Variants in ERBB4 observed in about 807,000 individuals in gnomAD.
ERBB4 encodes the protein erb-b2 receptor tyrosine kinase 4.
In ERBB4, 42 loss-of-function variants were observed where a neutral mutation model predicts 158.0. The observed-to-expected ratio is 0.27, with a 90% CI of 0.21 to 0.34. ERBB4 has a LOEUF of 0.34. Among genes scored for constraint, ERBB4 ranks in the 10% least tolerant of loss-of-function variants. The pLI is 1.00. For missense variants in ERBB4, 1,333 were observed against 1,624.1 expected, an observed-to-expected ratio of 0.82 and a Z score of 3.08; for synonymous variants, 583 against 558.7, an observed-to-expected ratio of 1.04 and a Z score of -0.61.
chr2:211,732,409 G>A (rs1267833891), intron 5 of ERBB4, among the ~76,000 whole-genome samples: 2 of 151,224 alleles, frequency 1.3e-5, no homozygotes, highest in African/African-American at 4.9e-5. Flanking sequence ...AAAGTATCTG[G>A]GCTTCTAAAT....
At chr2:211,395,178 C>T (rs1305256073) in intron 25 of ERBB4, among the ~76,000 whole-genome samples, 1 of 152,064 alleles carries the variant, frequency 6.6e-6, no homozygotes, top group Non-Finnish European at 1.5e-5. Context: ...AGTGGACTAT[C>T]TTGTTCAAAG....
intron 3 of ERBB4, among the ~76,000 whole-genome samples, chr2:211,882,098 C>G (rs1312821796): frequency 6.6e-6 from 1 of 152,154 alleles, no homozygotes; most frequent in African/African-American, 2.4e-5. Context: ...CTTTATCAAA[C>G]AAGGACAATT....
At chr2:212,426,905 T>A (rs2091926093) in intron 1 of ERBB4, among the ~76,000 whole-genome samples, 1 of 152,114 alleles carries the variant, frequency 6.6e-6, no homozygotes, top group Non-Finnish European at 1.5e-5. Flanking sequence ...GTTACACATT[T>A]GTGTTTGCAA....
chr2:211,731,591 CTTAA>C (rs2074429145), intron 5 of ERBB4, among the ~76,000 whole-genome samples: 1 of 152,044 alleles, frequency 6.6e-6, no homozygotes, highest in African/African-American at 2.4e-5. Flanking sequence ...TAGACATCCA[CTTAA>C]TTAAAGATAG....
chr2:212,033,732 T>TCTAAGGTCATGGAGACC (rs2076953340), intron 2 of ERBB4, among the ~76,000 whole-genome samples: 1 of 151,842 alleles, frequency 6.6e-6, no homozygotes, highest in African/African-American at 2.4e-5. Context: ...AATTGGAGGC[T>TCTAAGGTCATGGAGACC]CTAAGGTCAT....
At chr2:211,406,172 T>C (rs2063144198) in intron 25 of ERBB4, among the ~76,000 whole-genome samples, 1 of 152,224 alleles carries the variant, frequency 6.6e-6, no homozygotes, top group African/African-American at 2.4e-5. Context: ...CGTATTCTCT[T>C]TGTCCCTATT....
At position 211,381,889 on chromosome 2, in the gene ERBB4, C is replaced by CTAAG; in HGVS notation, c.*1722_*1725dup. On this transcript the variant is annotated 3_prime_UTR_variant, in exon 28 of 28. Coordinates refer to ENST00000342788, the MANE Select transcript of ERBB4 (RefSeq NM_005235.3). ...ATTTTCAGAAAAGGGCGACTTATATCTAAGTTTCCTAATTATTGATGTGAG... is the reference window on the plus strand; with the variant it reads ...ATTTTCAGAAAAGGGCGACTTATATCTAAGTAAGTTTCCTAATTATTGATGTGAG... The CTAAG allele has an allele frequency of 4.4e-6, 1 of 229,184 alleles. No individual in the cohort carries two copies. Among genetic ancestry groups the CTAAG allele is most frequent in the Non-Finnish European group, 8.7e-6 (1 of 115,548 alleles). 14.2% of individuals were successfully genotyped at this position (229,184 alleles called of 1,614,324 possible).
In ERBB4 at chr2:211,630,148, T is replaced by C. The variant is rs537619667; in HGVS notation, c.2079+314A>G. ...AGATATTTTCAATGCAGATATTTTC[T>C]AGATCTGCTGCTATTGAGATATCCT... On this transcript the variant is annotated intron_variant, in intron 17 of 27. Transcript: ENST00000342788. Among the ~76,000 whole-genome samples, 6 of 152,358 alleles carry C rather than the reference T, an allele frequency of 3.9e-5. No individual in the cohort carries two copies. The South Asian group carries it at 1.0e-3, about 26-fold the overall frequency.
chr2:212,098,867 G>A, intron 2 of ERBB4, among the ~76,000 whole-genome samples: 1 of 152,034 alleles, frequency 6.6e-6, no homozygotes, highest in Admixed American at 6.6e-5. Flanking sequence ...TATTTATTCA[G>A]GAATGATGCA....
intron 19 of ERBB4, among the ~76,000 whole-genome samples, chr2:211,566,309 G>A (rs1057022640): frequency 2.0e-5 from 3 of 152,302 alleles, no homozygotes; most frequent in African/African-American, 7.2e-5. Context: ...ATCAGAACTG[G>A]TAAGAACGAT....
chr2:212,130,841 A>G (rs1194230031), intron 1 of ERBB4, among the ~76,000 whole-genome samples: 1 of 152,202 alleles, frequency 6.6e-6, no homozygotes, highest in African/African-American at 2.4e-5. Flanking sequence ...AGTGAGCAGT[A>G]TATTTAAGTC....
chr2:211,766,766 C>T (rs1452516908), intron 4 of ERBB4, among the ~76,000 whole-genome samples: 3 of 152,122 alleles, frequency 2.0e-5, no homozygotes, highest in Admixed American at 1.3e-4. Flanking sequence ...AAGGAAAACC[C>T]CACCTCTCCA....
chr2:211,593,565 T>C (rs2068539754), intron 19 of ERBB4, among the ~76,000 whole-genome samples: 1 of 152,210 alleles, frequency 6.6e-6, no homozygotes, highest in African/African-American at 2.4e-5. Flanking sequence ...TACAGCACTT[T>C]GTATTATTCT....
At chr2:211,713,684 A>G in intron 7 of ERBB4, 36 bp from the exon 8 acceptor site, 1 of 1,237,828 alleles carries the variant, frequency 8.1e-7, no homozygotes, top group Non-Finnish European at 1.2e-6. Flanking sequence ...AATAAGCATT[A>G]ATGTTAACAT....
At chr2:211,941,132 G>T in intron 3 of ERBB4, among the ~76,000 whole-genome samples, 1 of 152,022 alleles carries the variant, frequency 6.6e-6, no homozygotes, top group East Asian at 1.9e-4. Flanking sequence ...TCTAAAAATG[G>T]ACTCTTCCGA....
At position 211,672,138 on chromosome 2, in the gene ERBB4, C is replaced by T. The variant is rs2071866902; in HGVS notation, c.1716+1026G>A. ...TGGGGCCTAATGGAAGTCTGGAGGG[C>T]TCAATGATATATATATTTTTTCTAA... On this transcript the variant is annotated intron_variant, in intron 14 of 27. Transcript: ENST00000342788. 1.3e-5 allele frequency among the ~76,000 whole-genome samples: 2 copies of T among 152,028 alleles called. 1 individual carries two copies. The highest frequency in any genetic ancestry group is 4.1e-4 in the South Asian group (2 of 4,820).
At chr2:212,461,848 A>C (rs1688592875) in intron 1 of ERBB4, among the ~76,000 whole-genome samples, 1 of 152,144 alleles carries the variant, frequency 6.6e-6, no homozygotes, top group African/African-American at 2.4e-5. Flanking sequence ...ATCGTGAATA[A>C]GTCTCATGAG....
chr2:212,316,051 C>T (rs1468672887), intron 1 of ERBB4, among the ~76,000 whole-genome samples: 1 of 151,396 alleles, frequency 6.6e-6, no homozygotes. Context: ...TTCCAAATAA[C>T]TATGTGAGTG....
At chr2:212,107,363 G>A (rs2079262086) in intron 2 of ERBB4, among the ~76,000 whole-genome samples, 1 of 152,164 alleles carries the variant, frequency 6.6e-6, no homozygotes, top group African/African-American at 2.4e-5. Flanking sequence ...TTTTGGACTT[G>A]CATGGGGGAC....
Sources: gnomAD v4.1 joint callset for allele counts (sites outside exome capture counted in the v4.1 genomes callset) on GRCh38, gnomAD v4.1.1 for gene constraint, MANE v1.5 for transcripts, NCBI Gene and HGNC (gene_info 2026-07-23, HGNC 2026-07-21) for gene names.